ANK3: variants seen among roughly 807,000 people sequenced by gnomAD.
ANK3 encodes ankyrin 3, also known as ankyrin-3.
A neutral mutation model predicts 370.9 loss-of-function variants in ANK3; 57 were observed. The observed-to-expected ratio is 0.15, with a 90% CI of 0.12 to 0.19. The LOEUF is 0.19. ANK3 is among the 10% of genes least tolerant of loss of function. ANK3 has a pLI of 1.00. For synonymous variants in ANK3, 1,929 were observed against 1,946.3 expected, an observed-to-expected ratio of 0.99 and a Z score of 0.23; for missense variants, 4,439 against 5,302.1, an observed-to-expected ratio of 0.84 and a Z score of 5.06.
At chr10:60,436,595 T>A (rs1343445195) in intron 2 of ANK3, among the ~76,000 whole-genome samples, 1 of 152,230 alleles carries the variant, frequency 6.6e-6, no homozygotes, top group East Asian at 1.9e-4. Flanking sequence ...TGGCCATTTG[T>A]ATATCCTCTC....
chr10:60,188,961 A>C (rs537934495), intron 16 of ANK3, among the ~76,000 whole-genome samples: 1 of 152,348 alleles, frequency 6.6e-6, no homozygotes, highest in Non-Finnish European at 1.5e-5. Context: ...AAAATAGGAA[A>C]TATAATTAGT....
chr10:60,292,734 A>C (rs2041708594), intron 1 of ANK3, among the ~76,000 whole-genome samples: 1 of 136,040 alleles, frequency 7.4e-6, no homozygotes, highest in East Asian at 2.1e-4. Flanking sequence ...TTTTTGACGG[A>C]GTCTCACTCT....
At chr10:60,367,492 C>T (rs1431681270) in intron 1 of ANK3, among the ~76,000 whole-genome samples, 1 of 152,184 alleles carries the variant, frequency 6.6e-6, no homozygotes, top group Non-Finnish European at 1.5e-5. Context: ...GAGAAGGAGG[C>T]TTTCACTTTT....
chr10:60,077,034 T>C (rs1298428258), intron 36 of ANK3, among the ~76,000 whole-genome samples: 1 of 152,198 alleles, frequency 6.6e-6, no homozygotes, highest in African/African-American at 2.4e-5. Context: ...CTCAAGCCTA[T>C]TTCATGCAGA....
intron 2 of ANK3, among the ~76,000 whole-genome samples, chr10:60,440,485 G>A (rs1039965076): frequency 2.6e-5 from 4 of 152,050 alleles, no homozygotes; most frequent in Non-Finnish European, 4.4e-5. Context: ...CATAAAACCA[G>A]CAGATCTCAT....
intron 43 of ANK3, among the ~76,000 whole-genome samples, chr10:60,034,777 A>G (rs993466205): frequency 2.0e-5 from 3 of 151,870 alleles, no homozygotes; most frequent in African/African-American, 7.3e-5. Context: ...TTCTCTCCCT[A>G]CCCACCTCTC....
At chr10:60,080,739 A>C (rs1341197713) in intron 35 of ANK3, 121 bp from the exon 36 acceptor site, 5 of 873,500 alleles carry the variant, frequency 5.7e-6, no homozygotes, top group Admixed American at 3.1e-5. Context: ...AGGAAATGTT[A>C]ATTTCCCACT....
chr10:60,614,723 C>T (rs937471049), intron 2 of ANK3, among the ~76,000 whole-genome samples: 2 of 152,198 alleles, frequency 1.3e-5, no homozygotes, highest in Non-Finnish European at 2.9e-5. Context: ...AAGTGACTCT[C>T]CTTTTTCTAA....
intron 2 of ANK3, among the ~76,000 whole-genome samples, chr10:60,524,086 A>G (rs1387579084): frequency 6.6e-6 from 1 of 152,020 alleles, no homozygotes; most frequent in Admixed American, 6.6e-5. Flanking sequence ...TCATTCCACC[A>G]CTACCATCTA....
chr10:60,241,224 A>G (rs1186065895), intron 7 of ANK3, among the ~76,000 whole-genome samples: 3 of 152,236 alleles, frequency 2.0e-5, no homozygotes, highest in African/African-American at 7.2e-5. Flanking sequence ...AGAATTAAAG[A>G]TCTATATGCA....
chr10:60,715,912 G>T (rs1780267155), intron 1 of ANK3, among the ~76,000 whole-genome samples: 1 of 166 alleles, frequency 6.0e-3, no homozygotes, highest in Non-Finnish European at 0.012. Context: ...TCTTCTTCAA[G>T]AAATATTAAA....
chr10:60,338,922 T>G (rs763640070), intron 1 of ANK3, among the ~76,000 whole-genome samples: 1 of 152,022 alleles, frequency 6.6e-6, no homozygotes, highest in Non-Finnish European at 1.5e-5. Context: ...TGTTTGGTTG[T>G]CTCCAAATAA....
At chr10:60,481,790 T>G (rs12356634) in intron 2 of ANK3, among the ~76,000 whole-genome samples, 57,756 of 152,034 alleles carry the variant, frequency 0.38, 11,549 homozygotes, top group Non-Finnish European at 0.45. Context: ...AAATTCCTAT[T>G]AAACTGGAGA....
At chr10:60,266,049 T>G (rs950073781) in intron 5 of ANK3, among the ~76,000 whole-genome samples, 1 of 152,280 alleles carries the variant, frequency 6.6e-6, no homozygotes, top group Non-Finnish European at 1.5e-5. Context: ...CTTTTAACTT[T>G]ACTACCAAAG....
At chr10:60,564,502 C>T (rs1209867550) in intron 2 of ANK3, among the ~76,000 whole-genome samples, 1 of 152,202 alleles carries the variant, frequency 6.6e-6, no homozygotes, top group Non-Finnish European at 1.5e-5. Flanking sequence ...TCTGCCAGCA[C>T]ACCACCAACT....
At chr10:60,230,451 C>T (rs540972174) in intron 8 of ANK3, among the ~76,000 whole-genome samples, 1 of 152,160 alleles carries the variant, frequency 6.6e-6, no homozygotes, top group Non-Finnish European at 1.5e-5. Context: ...GTTTATATCT[C>T]AGCACATGTC....
intron 18 of ANK3, among the ~76,000 whole-genome samples, chr10:60,174,348 T>G (rs1352118928): frequency 6.6e-6 from 1 of 152,198 alleles, no homozygotes; most frequent in Non-Finnish European, 1.5e-5. Context: ...GAAACTGACT[T>G]ACAACCTCTA....
At chr10:60,666,713 A>G (rs2079000796) in intron 1 of ANK3, among the ~76,000 whole-genome samples, 1 of 152,200 alleles carries the variant, frequency 6.6e-6, no homozygotes, top group Non-Finnish European at 1.5e-5. Context: ...ACTATCTTCA[A>G]GATTATCTCT....
intron 2 of ANK3, among the ~76,000 whole-genome samples, chr10:60,560,723 A>T (rs1026158804): frequency 1.3e-5 from 2 of 152,170 alleles, no homozygotes; most frequent in African/African-American, 4.8e-5. Flanking sequence ...TCTGATAGGC[A>T]TCTCTGTTGG....
Sources: gnomAD v4.1 joint callset for allele counts (sites outside exome capture counted in the v4.1 genomes callset) on GRCh38, gnomAD v4.1.1 for gene constraint, MANE v1.5 for transcripts, NCBI Gene and HGNC (gene_info 2026-07-23, HGNC 2026-07-21) for gene names.